The following ST3GAL2 variants were observed in gnomAD, a reference collection of about 807,000 sequenced individuals.
The protein encoded by ST3GAL2 is CMP-N-acetylneuraminate-beta-galactosamide-alpha-2,3-sialyltransferase 2.
In ST3GAL2, 16 loss-of-function variants were observed where a neutral mutation model predicts 37.5. That is an observed-to-expected ratio of 0.43 (90% CI 0.29 to 0.65). The LOEUF is 0.65. ST3GAL2 is among the 30% of genes least tolerant of loss of function. The pLI is 0.17. For synonymous variants in ST3GAL2, 238 were observed against 202.9 expected (o/e 1.17, Z -1.47); for missense variants, 383 against 487.8 (o/e 0.79, Z 2.02).
At chr16:70,429,638 CTTTT>C (rs1027728995) in intron 1 of ST3GAL2, among the ~76,000 whole-genome samples, 3 of 90,000 alleles carry the variant, frequency 3.3e-5, no homozygotes, top group East Asian at 6.8e-4. Flanking sequence ...GCTTTAAATT[CTTTT>C]TTTTTTTTTT....
intron 3 of ST3GAL2, among the ~76,000 whole-genome samples, chr16:70,391,600 G>C (rs1362130886): frequency 6.6e-6 from 1 of 152,190 alleles, no homozygotes; most frequent in Non-Finnish European, 1.5e-5. Context: ...CCTGGGGCCT[G>C]TGAGGAACAG....
chr16:70,416,188 T>A (rs1318549168), intron 1 of ST3GAL2, among the ~76,000 whole-genome samples: 20 of 152,222 alleles, frequency 1.3e-4, no homozygotes, highest in South Asian at 6.2e-4. Context: ...GTTTTACCTA[T>A]TTCTTTCAGC....
rs1007390228 is a variant in ST3GAL2, at chr16:70,399,172, C to A, written c.-642G>T. 2.8e-5 allele frequency: 11 copies of A among 398,854 alleles called. No individual in the cohort carries two copies. In the South Asian group the frequency reaches 1.4e-3, roughly 51 times the overall value. 24.7% of individuals were successfully genotyped at this position (398,854 alleles called of 1,614,324 possible). ...TGTGGGAAAACTCCGCTGCAGAGAT[C>A]GAGATCCTTTCCGCAGTAGGTCTTG... On this transcript the variant is annotated 5_prime_UTR_variant, in exon 2 of 7. Transcript: ENST00000342907.
chr16:70,403,931 G>A (rs1203026671), intron 1 of ST3GAL2, among the ~76,000 whole-genome samples: 1 of 152,064 alleles, frequency 6.6e-6, no homozygotes, highest in Non-Finnish European at 1.5e-5. Context: ...GGAGTTCAAG[G>A]TTGCAGTGAG....
Position 70,381,681 on chromosome 16 carries a change from G to A in ST3GAL2, c.*8C>T, listed in dbSNP as rs1427361625. 1 of 1,612,356 alleles carries A rather than the reference G, an allele frequency of 6.2e-7. No homozygotes were observed. Among genetic ancestry groups the A allele is most frequent in the Non-Finnish European group, 8.5e-7 (1 of 1,179,252 alleles). ...AGATGGGCCGGAAGGGTCGCGGCGAGGCCCGGCTCAGTTGCCCCGGTAGAC... is the reference window on the plus strand; with the variant it reads ...AGATGGGCCGGAAGGGTCGCGGCGAAGCCCGGCTCAGTTGCCCCGGTAGAC... On this transcript the variant is annotated 3_prime_UTR_variant, in exon 7 of 7. Coordinates refer to ENST00000342907, the MANE Select transcript of ST3GAL2 (RefSeq NM_006927.4).
chr16:70,415,255 G>A (rs1210002362), intron 1 of ST3GAL2, among the ~76,000 whole-genome samples: 2 of 152,014 alleles, frequency 1.3e-5, no homozygotes, highest in African/African-American at 2.4e-5. Flanking sequence ...GGGATGAGCT[G>A]CCCCAGGACC....
intron 1 of ST3GAL2, among the ~76,000 whole-genome samples, chr16:70,412,483 A>C (rs899608624): frequency 1.3e-5 from 2 of 151,842 alleles, no homozygotes; most frequent in African/African-American, 4.8e-5. Flanking sequence ...ATCTCTACAA[A>C]AAATACAAAA....
At chr16:70,388,727 A>C (rs532454778) in intron 3 of ST3GAL2, among the ~76,000 whole-genome samples, 181 bp from the exon 4 acceptor site, 2 of 152,276 alleles carry the variant, frequency 1.3e-5, no homozygotes, top group African/African-American at 4.8e-5. Flanking sequence ...GATGTGTATG[A>C]GGATATTCAC....
At chr16:70,425,055 T>G (rs2047740953) in intron 1 of ST3GAL2, among the ~76,000 whole-genome samples, 1 of 152,010 alleles carries the variant, frequency 6.6e-6, no homozygotes, top group Non-Finnish European at 1.5e-5. Flanking sequence ...GATAAAGATG[T>G]CTTGTATTGA....
chr16:70,434,610 G>T (rs186116690), intron 1 of ST3GAL2, among the ~76,000 whole-genome samples: 16 of 152,276 alleles, frequency 1.1e-4, no homozygotes, highest in South Asian at 8.3e-4. Flanking sequence ...GGTAAGTTCT[G>T]TAAGTCTCAG....
At chr16:70,382,731 C>A in intron 6 of ST3GAL2, 74 bp downstream of exon 6, 8 of 1,594,690 alleles carry the variant, frequency 5.0e-6, no homozygotes, top group Non-Finnish European at 6.8e-6. Context: ...CCTCTGTTAG[C>A]CTGCTAAGAC....
intron 3 of ST3GAL2, 73 bp downstream of exon 3, chr16:70,394,909 A>G: frequency 6.6e-7 from 1 of 1,523,162 alleles, no homozygotes; most frequent in South Asian, 1.2e-5. Context: ...ACCCTGCCAG[A>G]CAAGGCAGAG....
rs192208245 is a variant in ST3GAL2, at chr16:70,423,886, G to A, written c.-1004+15063C>T. Among the ~76,000 whole-genome samples, 76 of 151,226 alleles carry A rather than the reference G, an allele frequency of 5.0e-4. 1 individual carries two copies. Among genetic ancestry groups the A allele is most frequent in the Middle Eastern group, 6.8e-3 (2 of 294 alleles). ...GAGACAGAGACCACAGTGAAACCCC[G>A]TCTCTACTAAAAGTACAAAAAATTA... On this transcript the variant is annotated intron_variant, in intron 1 of 6. Coordinates refer to ENST00000342907, the MANE Select transcript of ST3GAL2 (RefSeq NM_006927.4).
intron 4 of ST3GAL2, among the ~76,000 whole-genome samples, chr16:70,385,245 G>A (rs1020711807): frequency 1.3e-5 from 2 of 152,054 alleles, no homozygotes; most frequent in Admixed American, 6.6e-5. Context: ...GCAGTGAGCC[G>A]AGAAGGCGCC....
intron 1 of ST3GAL2, among the ~76,000 whole-genome samples, chr16:70,411,117 G>T (rs2151669980): frequency 6.6e-6 from 1 of 152,258 alleles, no homozygotes; most frequent in Middle Eastern, 3.4e-3. Context: ...GGGCGCAGTG[G>T]CTCACAACTG....
chr16:70,415,762 C>CTTCT (rs2047672622), intron 1 of ST3GAL2, among the ~76,000 whole-genome samples: 1 of 115,924 alleles, frequency 8.6e-6, no homozygotes, highest in African/African-American at 3.2e-5. Context: ...TTCCAAGATT[C>CTTCT]TTTTTTTTTT....
intron 1 of ST3GAL2, among the ~76,000 whole-genome samples, chr16:70,414,006 T>G (rs1208025410): frequency 6.6e-6 from 1 of 152,212 alleles, no homozygotes; most frequent in Non-Finnish European, 1.5e-5. Context: ...CAGGGATATT[T>G]ATCATGTTGA....
chr16:70,437,770 C>A (rs2047835903), intron 1 of ST3GAL2, among the ~76,000 whole-genome samples: 1 of 152,170 alleles, frequency 6.6e-6, no homozygotes, highest in South Asian at 2.1e-4. Flanking sequence ...TCCTCTTATG[C>A]CACCATCTCT....
At chr16:70,400,073 TGGG>T (rs1393633580) in intron 1 of ST3GAL2, 1 of 152,582 alleles carries the variant, frequency 6.6e-6, no homozygotes, top group African/African-American at 2.4e-5. Flanking sequence ...GCTCCGCCGT[TGGG>T]GGAGAACCTG....
Sources: gnomAD v4.1 joint callset for allele counts (sites outside exome capture counted in the v4.1 genomes callset) on GRCh38, gnomAD v4.1.1 for gene constraint, MANE v1.5 for transcripts, NCBI Gene and HGNC (gene_info 2026-07-23, HGNC 2026-07-21) for gene names.